Variants in PHACTR3 observed in about 807,000 individuals in gnomAD.
The protein encoded by PHACTR3 is protein phosphatase 1, regulatory subunit 123.
A neutral mutation model predicts 66.8 loss-of-function variants in PHACTR3; 16 were observed. The observed-to-expected ratio is 0.24, with a 90% CI of 0.16 to 0.36. PHACTR3 has a LOEUF of 0.36. Ranked by LOEUF, PHACTR3 falls within the 10% of genes least tolerant of loss-of-function variation. The pLI is 1.00. For synonymous variants in PHACTR3, 323 were observed against 292.1 expected (o/e 1.11, Z -1.08); for missense variants, 647 against 719.9 (o/e 0.90, Z 1.16).
intron 8 of PHACTR3, among the ~76,000 whole-genome samples, chr20:59,827,372 C>T (rs1199622982): frequency 1.3e-5 from 2 of 152,168 alleles, no homozygotes; most frequent in African/African-American, 4.8e-5. Context: ...TCATCTGTAT[C>T]CCAGGGGCAC....
intron 1 of PHACTR3, among the ~76,000 whole-genome samples, chr20:59,696,428 C>T (rs917827217): frequency 2.0e-5 from 3 of 152,042 alleles, no homozygotes; most frequent in Admixed American, 1.3e-4. Context: ...CATCTCAGGC[C>T]CGTCGGGAAG....
At chr20:59,821,904 G>T (rs541265046) in intron 8 of PHACTR3, among the ~76,000 whole-genome samples, 32 of 151,594 alleles carry the variant, frequency 2.1e-4, no homozygotes, top group Non-Finnish European at 3.1e-4. Context: ...AGGGAAAGAG[G>T]AACCCTGAGA....
At chr20:59,797,952 A>G (rs539097711) in intron 7 of PHACTR3, among the ~76,000 whole-genome samples, 1 of 151,978 alleles carries the variant, frequency 6.6e-6, no homozygotes, top group Admixed American at 6.6e-5. Context: ...AATATTTTCT[A>G]GTTTTACTTT....
chr20:59,698,936 A>G (rs1365915260), intron 1 of PHACTR3, among the ~76,000 whole-genome samples: 1 of 152,196 alleles, frequency 6.6e-6, no homozygotes, highest in Admixed American at 6.5e-5. Context: ...AAGAAGATCA[A>G]TGCTGCCTGG....
chr20:59,752,192 G>A (rs1427668689), intron 3 of PHACTR3, among the ~76,000 whole-genome samples: 1 of 152,206 alleles, frequency 6.6e-6, no homozygotes, highest in East Asian at 1.9e-4. Flanking sequence ...GTCTGCACGT[G>A]TGCACACACA....
At chr20:59,611,013 C>A (rs1241513773) in intron 1 of PHACTR3, among the ~76,000 whole-genome samples, 1 of 152,226 alleles carries the variant, frequency 6.6e-6, no homozygotes, top group Non-Finnish European at 1.5e-5. Flanking sequence ...GCACACTTGG[C>A]CCTTGCCAGA....
intron 1 of PHACTR3, among the ~76,000 whole-genome samples, chr20:59,627,912 C>G (rs2034517123): frequency 6.6e-6 from 1 of 152,062 alleles, no homozygotes; most frequent in Non-Finnish European, 1.5e-5. Context: ...AATCTGTCAT[C>G]CATCTGCTAA....
intron 1 of PHACTR3, among the ~76,000 whole-genome samples, chr20:59,723,060 C>CTT (rs1555823459): frequency 7.9e-4 from 94 of 118,762 alleles, no homozygotes; most frequent in Admixed American, 2.0e-3. Flanking sequence ...TTCTTTCTTT[C>CTT]TCTTTCTTTC....
intron 1 of PHACTR3, among the ~76,000 whole-genome samples, chr20:59,655,039 C>A (rs564877278): frequency 2.6e-5 from 4 of 152,096 alleles, no homozygotes; most frequent in South Asian, 4.1e-4. Context: ...TGTGAGGATT[C>A]TTGTACAAGT....
At chr20:59,756,359 A>G (rs559413453) in intron 4 of PHACTR3, among the ~76,000 whole-genome samples, 15 of 152,294 alleles carry the variant, frequency 9.8e-5, no homozygotes, top group Non-Finnish European at 1.8e-4. Context: ...AGGCCCCAGG[A>G]CAGCCTGCTG....
chr20:59,774,106 T>C, intron 6 of PHACTR3, 137 bp from the exon 7 acceptor site: 1 of 1,042,720 alleles, frequency 9.6e-7, no homozygotes, highest in Non-Finnish European at 1.4e-6. Flanking sequence ...CCTTCTGGTG[T>C]GTCCAGGATA....
chr20:59,652,788 A>G (rs1473517625), intron 1 of PHACTR3, among the ~76,000 whole-genome samples: 1 of 151,646 alleles, frequency 6.6e-6, no homozygotes, highest in Non-Finnish European at 1.5e-5. Flanking sequence ...TTTAATCTGG[A>G]AACCTGTGGC....
intron 1 of PHACTR3, among the ~76,000 whole-genome samples, chr20:59,691,788 A>G (rs938968381): frequency 1.3e-5 from 2 of 152,166 alleles, no homozygotes; most frequent in Admixed American, 6.5e-5. Flanking sequence ...AGAGGATATG[A>G]TTTTATCAAA....
intron 4 of PHACTR3, among the ~76,000 whole-genome samples, chr20:59,762,504 G>A (rs1372218470): frequency 6.6e-6 from 1 of 152,192 alleles, no homozygotes. Context: ...GCCACCATAT[G>A]GACAAGGAAG....
chr20:59,754,676 T>C (rs1430544241), intron 3 of PHACTR3, among the ~76,000 whole-genome samples: 2 of 152,228 alleles, frequency 1.3e-5, no homozygotes, highest in Non-Finnish European at 2.9e-5. Context: ...CCTGTCTGGG[T>C]TGGCCTGTGA....
At chr20:59,747,404 C>T (rs1601252107) in intron 2 of PHACTR3, among the ~76,000 whole-genome samples, 1 of 152,214 alleles carries the variant, frequency 6.6e-6, no homozygotes, top group East Asian at 1.9e-4. Flanking sequence ...AGGGAGGGCA[C>T]TTTCCTTGGT....
At chr20:59,843,633 GC>G (rs1222961826) in intron 11 of PHACTR3, 7 of 152,086 alleles carry the variant, frequency 4.6e-5, no homozygotes, top group African/African-American at 1.7e-4. Context: ...TATCCATATG[GC>G]AAAAGAATGA....
At chr20:59,700,742 A>G (rs1415931231) in intron 1 of PHACTR3, among the ~76,000 whole-genome samples, 1 of 152,156 alleles carries the variant, frequency 6.6e-6, no homozygotes, top group Non-Finnish European at 1.5e-5. Context: ...ATGGTAGTTC[A>G]CGTTTCCATG....
At chr20:59,710,601 A>G (rs2037879271) in intron 1 of PHACTR3, among the ~76,000 whole-genome samples, 1 of 151,780 alleles carries the variant, frequency 6.6e-6, no homozygotes, top group African/African-American at 2.4e-5. Context: ...GAGGCACTTG[A>G]CCTCTTTCTA....
Sources: allele counts gnomAD v4.1 joint callset (sites outside exome capture counted in the v4.1 genomes callset), GRCh38; gene constraint gnomAD v4.1.1; transcripts MANE v1.5; gene names NCBI Gene and HGNC (gene_info 2026-07-23, HGNC 2026-07-21).